PDE1A: variants seen among roughly 807,000 people sequenced by gnomAD.
The protein encoded by PDE1A is dual specificity calcium/calmodulin-dependent 3',5'-cyclic nucleotide phosphodiesterase 1A.
A neutral mutation model predicts 61.7 loss-of-function variants in PDE1A; 35 were observed. That is an observed-to-expected ratio of 0.57 (90% CI 0.43 to 0.75). The LOEUF is 0.75. Ranked by LOEUF, PDE1A falls within the 30% of genes least tolerant of loss-of-function variation. The probability of loss-of-function intolerance (pLI) is 0.00; values close to 1 mark genes in which losing one functional copy is unlikely to be tolerated. For synonymous variants in PDE1A, 232 were observed against 213.2 expected, an observed-to-expected ratio of 1.09 and a Z score of -0.77; for missense variants, 597 against 630.6, an observed-to-expected ratio of 0.95 and a Z score of 0.57.
At chr2:182,255,613 G>C (rs1286702440) in intron 2 of PDE1A, among the ~76,000 whole-genome samples, 2 of 150,538 alleles carry the variant, frequency 1.3e-5, no homozygotes, top group Non-Finnish European at 3.0e-5. Flanking sequence ...CTGTGCACTA[G>C]TTAACTCCAA....
At chr2:182,236,289 C>T (rs1690004060) in intron 3 of PDE1A, among the ~76,000 whole-genome samples, 1 of 135,408 alleles carries the variant, frequency 7.4e-6, no homozygotes, top group Non-Finnish European at 1.6e-5. Context: ...AGCAAGGAAA[C>T]TACTAATCAT....
the PDE1A span, among the ~76,000 whole-genome samples, chr2:182,628,013 T>C: frequency 6.6e-6 from 1 of 151,374 alleles, no homozygotes; most frequent in Non-Finnish European, 1.5e-5. Context: ...ATAATGCTAT[T>C]TTCACCTCTA....
intron 1 of PDE1A, among the ~76,000 whole-genome samples, chr2:182,336,673 T>C (rs1361245639): frequency 2.6e-5 from 4 of 151,930 alleles, no homozygotes; most frequent in African/African-American, 9.7e-5. Context: ...ATGTAGATGA[T>C]GGGTTGATGG....
At chr2:182,391,697 T>A (rs1230760969) in intron 1 of PDE1A, among the ~76,000 whole-genome samples, 1 of 152,110 alleles carries the variant, frequency 6.6e-6, no homozygotes, top group Non-Finnish European at 1.5e-5. Context: ...AGGGGCCAAC[T>A]GGAGGCACGC....
In PDE1A at chr2:182,364,488, A is replaced by AAACAAACAACAAC. The variant is rs1553602128; in HGVS notation, c.53+62089_53+62090insGTTGTTGTTTGTT. ...TGGTAAAAAAAAAAAAAAAAAAAAAAAAAAAAAAAAACCTTATTCTGAATT... is the reference window on the plus strand; with the variant it reads ...TGGTAAAAAAAAAAAAAAAAAAAAAAAACAAACAACAACAAAAAAAAAAACCTTATTCTGAATT... On this transcript the variant is annotated intron_variant, in intron 1 of 13. Coordinates refer to ENST00000351439, the Ensembl canonical transcript of PDE1A. 2.1e-4 allele frequency among the ~76,000 whole-genome samples: 31 copies of AAACAAACAACAAC among 145,244 alleles called. 1 individual carries two copies. The highest frequency in any genetic ancestry group is 7.9e-4 in the African/African-American group (31 of 39,068).
intron 10 of PDE1A, among the ~76,000 whole-genome samples, chr2:182,198,210 C>A (rs936214213): frequency 6.6e-6 from 1 of 151,902 alleles, no homozygotes; most frequent in Non-Finnish European, 1.5e-5. Context: ...AGCTTGCATA[C>A]AGAAACACAA....
At chr2:182,685,376 T>C in the PDE1A span, among the ~76,000 whole-genome samples, 752 of 152,336 alleles carry the variant, frequency 4.9e-3, 7 homozygotes, top group African/African-American at 0.017. Flanking sequence ...ATGTATAATA[T>C]GTTTATGTAA....
the PDE1A span, among the ~76,000 whole-genome samples, chr2:182,536,709 T>C: frequency 6.6e-6 from 1 of 152,190 alleles, no homozygotes; most frequent in East Asian, 1.9e-4. Context: ...CCCTTGAAGC[T>C]GGGTTAACTT....
Position 182,162,594 on chromosome 2 carries a change from A to G in PDE1A, c.1517-15442T>C, listed in dbSNP as rs12612357. Among the ~76,000 whole-genome samples the G allele has an allele frequency of 3.3e-5, 5 of 152,278 alleles. No individual in the cohort carries two copies. In the East Asian group the frequency reaches 9.7e-4, roughly 29 times the overall value. On this transcript the variant is annotated intron_variant, in intron 13 of 13. Transcript: ENST00000409365. The stretch of plus-strand genomic sequence containing the variant: ...TGTTGAGGAAAGACTCTGGTGCACT[A>G]CATAAAATTTATACTGTTAATCTTT...
At chr2:182,654,650 CAT>C in the PDE1A span, among the ~76,000 whole-genome samples, 1 of 152,014 alleles carries the variant, frequency 6.6e-6, no homozygotes, top group South Asian at 2.1e-4. Flanking sequence ...GGAATGGAGA[CAT>C]ATTTATGGCA....
intron 7 of PDE1A, among the ~76,000 whole-genome samples, chr2:182,211,031 G>C (rs1687546695): frequency 6.6e-6 from 1 of 152,170 alleles, no homozygotes; most frequent in Non-Finnish European, 1.5e-5. Flanking sequence ...GAAAGGCAGA[G>C]AGTGCAAGAG....
chr2:182,335,903 A>G (rs1291078225), intron 1 of PDE1A, among the ~76,000 whole-genome samples: 1 of 152,210 alleles, frequency 6.6e-6, no homozygotes, highest in African/African-American at 2.4e-5. Flanking sequence ...TCTACAAGGA[A>G]CTTAAACAAA....
chr2:182,264,878 C>CATGTATATATATGTAT (rs1553560263), intron 1 of PDE1A, among the ~76,000 whole-genome samples: 1,362 of 106,876 alleles, frequency 0.013, 61 homozygotes, highest in African/African-American at 0.047. Flanking sequence ...TATATATATA[C>CATGTATATATATGTAT]ATATATATAT....
the PDE1A span, among the ~76,000 whole-genome samples, chr2:182,583,477 T>C: frequency 6.6e-6 from 1 of 152,208 alleles, no homozygotes; most frequent in Non-Finnish European, 1.5e-5. Flanking sequence ...TCATCATCCA[T>C]GGATGCCTTG....
At chr2:182,675,757 T>TAG in the PDE1A span, among the ~76,000 whole-genome samples, 1 of 152,228 alleles carries the variant, frequency 6.6e-6, no homozygotes, top group Non-Finnish European at 1.5e-5. Flanking sequence ...CATGTCTTCT[T>TAG]CTGAGAAGTG....
intron 3 of PDE1A, among the ~76,000 whole-genome samples, chr2:182,237,440 T>A (rs1690118412): frequency 6.6e-6 from 1 of 152,142 alleles, no homozygotes; most frequent in Non-Finnish European, 1.5e-5. Flanking sequence ...ATCAAGCCAC[T>A]GCACTCCAGC....
At chr2:182,695,656 G>C in the PDE1A span, among the ~76,000 whole-genome samples, 1 of 109,096 alleles carries the variant, frequency 9.2e-6, no homozygotes, top group Non-Finnish European at 1.7e-5. Flanking sequence ...GACAGAACAA[G>C]GCCCTCTCTC....
rs201821721 is a variant in PDE1A at position 182,364,466 on chromosome 2, TAAAAAAAAAAAAAAAAAAA to T, written c.53+62093_53+62111del. ...CTCAGACTATATTAGAACACTTTGG[TAAAAAAAAAAAAAAAAAAA>T]AAAAAAAAAAAAAACCTTATTCTGA... On this transcript the variant is annotated intron_variant, in intron 1 of 13. Coordinates refer to ENST00000351439, the Ensembl canonical transcript of PDE1A. 1.7e-4 allele frequency among the ~76,000 whole-genome samples: 6 copies of T among 35,848 alleles called. No homozygotes were observed. The South Asian group carries it at 3.9e-3, about 24-fold the overall frequency. 23.5% of individuals were successfully genotyped at this position (35,848 alleles called of 152,430 possible).
chr2:182,447,729 A>G (rs917392612), intron 2 of PDE1A, among the ~76,000 whole-genome samples: 3 of 152,164 alleles, frequency 2.0e-5, no homozygotes, highest in Admixed American at 1.3e-4. Context: ...TCTACTATGT[A>G]TTATAGTTTC....
Sources: gnomAD v4.1 joint callset for allele counts (sites outside exome capture counted in the v4.1 genomes callset) on GRCh38, gnomAD v4.1.1 for gene constraint, MANE v1.5 for transcripts, NCBI Gene and HGNC (gene_info 2026-07-23, HGNC 2026-07-21) for gene names.